SCEL: variants seen among roughly 807,000 people sequenced by gnomAD.
The protein encoded by SCEL is sciellin.
SCEL carries 113 observed loss-of-function variants against 117.6 expected under a neutral mutation model. The ratio of observed to expected loss-of-function variants is 0.96; its 90% CI spans 0.83 to 1.12. SCEL has a LOEUF of 1.12. Ranked by LOEUF, SCEL falls within the 50% of genes most tolerant of loss-of-function variation. The pLI, the probability that SCEL is intolerant of heterozygous loss-of-function variation, is 0.00. For synonymous variants in SCEL, 270 were observed against 256.2 expected, an observed-to-expected ratio of 1.05 and a Z score of -0.51; for missense variants, 785 against 810.8, an observed-to-expected ratio of 0.97 and a Z score of 0.39.
At chr13:77,541,516 G>T (rs1317726282) in intron 1 of SCEL, among the ~76,000 whole-genome samples, 1 of 152,150 alleles carries the variant, frequency 6.6e-6, no homozygotes, top group East Asian at 1.9e-4. Context: ...CTTGGTGAAA[G>T]ACTTTTGTAT....
chr13:77,555,965 G>GA (rs1567344291), intron 2 of SCEL, 47 bp downstream of exon 2: 1 of 1,427,276 alleles, frequency 7.0e-7, no homozygotes, highest in Non-Finnish European at 9.9e-7. Context: ...TAAAATTTTG[G>GA]AAAAACAACT....
In SCEL at chr13:77,568,283, C is replaced by A; in HGVS notation, c.360-12C>A. The A allele has an allele frequency of 6.5e-7, 1 of 1,544,824 alleles. No homozygotes were observed. Among genetic ancestry groups the A allele is most frequent in the South Asian group, 1.2e-5 (1 of 85,894 alleles). On this transcript the variant is annotated splice_polypyrimidine_tract_variant and intron_variant, in intron 6 of 32. Coordinates refer to ENST00000349847, the MANE Select transcript of SCEL (RefSeq NM_144777.3). ...TCATTGTTCAAACTTTGCTTTCTTT[C>A]TCTCTTACCAGGAGCATGTCCATGT...
chr13:77,591,322 T>G lies in SCEL; in HGVS notation c.627-73T>G, dbSNP rs73543711. ...CTGATCTTTTTGTACATAAATTTTT[T>G]AAAATAAATTTCAATTTATCAAAAA... On this transcript the variant is annotated intron_variant, in intron 10 of 32. Transcript: ENST00000349847. 0.013 allele frequency: 12,269 copies of G among 925,636 alleles called. 977 individuals carry two copies. In the African/African-American group the frequency reaches 0.18, roughly 14 times the overall value. The allele number at this position is 925,636 out of a possible 1,614,324, so 57.3% of individuals were successfully genotyped here. A position where few individuals can be genotyped will look rare whatever the true frequency, so the allele number is the denominator to read the frequency against.
At chr13:77,614,039 C>A in intron 24 of SCEL, 84 bp downstream of exon 24, 1 of 1,096,302 alleles carries the variant, frequency 9.1e-7, no homozygotes. Flanking sequence ...ATTCTATGGG[C>A]AAATTGAATA....
intron 9 of SCEL, among the ~76,000 whole-genome samples, chr13:77,579,281 A>T (rs992521566): frequency 6.6e-6 from 1 of 152,204 alleles, no homozygotes; most frequent in African/African-American, 2.4e-5. Flanking sequence ...ATTGCAGTGT[A>T]CTCATCAACT....
intron 8 of SCEL, among the ~76,000 whole-genome samples, chr13:77,570,738 G>C (rs763886017): frequency 6.6e-6 from 1 of 152,124 alleles, no homozygotes; most frequent in Non-Finnish European, 1.5e-5. Context: ...TTATGACCTA[G>C]TGATGTGAGG....
chr13:77,616,751 T>C (rs551798356), intron 24 of SCEL, among the ~76,000 whole-genome samples: 1 of 151,942 alleles, frequency 6.6e-6, no homozygotes, highest in African/African-American at 2.4e-5. Context: ...CCTTTTTTTT[T>C]TTTTTTTTGA....
Position 77,569,439 on chromosome 13 carries a change from T to C in SCEL, c.467T>C (p.Val156Ala). The change falls in exon 8 of 33, where the codon GTA becomes GCA. Residue 156 changes from valine (V) to alanine (A), a missense_variant. Physicochemically the swap from Val to Ala is moderately conservative, Grantham distance 64 (BLOSUM62 0). Transcript: ENST00000349847. The stretch of plus-strand genomic sequence containing the variant: ...GCATCCACTTCTGCTACTACTCCTG[T>C]AAAGAAGAAGAGGTAGGATGAACTC... ...TIASTSATTP[V>A]KKKRQSWFPP... 1 of 1,613,034 alleles carries C rather than the reference T, an allele frequency of 6.2e-7. No individual in the cohort carries two copies. Among genetic ancestry groups the C allele is most frequent in the Non-Finnish European group, 8.5e-7 (1 of 1,179,042 alleles).
At position 77,568,309 on chromosome 13, in the gene SCEL, T is replaced by G; in HGVS notation, c.374T>G (p.Phe125Cys). The G allele has an allele frequency of 6.4e-7, 1 of 1,569,170 alleles. No homozygotes were observed. Among genetic ancestry groups the G allele is most frequent in the Non-Finnish European group, 8.7e-7 (1 of 1,144,026 alleles). ...TCTCTTACCAGGAGCATGTCCATGTTTAGATCACTGGAAGTAACAAAGTTG... is the reference window on the plus strand; with the variant it reads ...TCTCTTACCAGGAGCATGTCCATGTGTAGATCACTGGAAGTAACAAAGTTG... ...NQLTNRSMSM[F>C]RSLEVTKLQP... is the part of the protein sequence containing the mutation. Residue 125 changes from phenylalanine to cysteine, a missense_variant, in exon 7 of 33, where the codon TTT becomes TGT. By Grantham distance (205) the Phe-to-Cys change is radical. Transcript: ENST00000349847.
At chr13:77,569,931 C>T (rs1182514914) in intron 8 of SCEL, among the ~76,000 whole-genome samples, 2 of 152,188 alleles carry the variant, frequency 1.3e-5, no homozygotes, top group African/African-American at 4.8e-5. Flanking sequence ...TGGTCTCCCA[C>T]ATTCTGCTGG....
intron 4 of SCEL, among the ~76,000 whole-genome samples, 193 bp from the exon 5 acceptor site, chr13:77,563,638 G>A (rs907433696): frequency 6.6e-6 from 1 of 152,104 alleles, no homozygotes; most frequent in South Asian, 2.1e-4. Flanking sequence ...TATTAGCATA[G>A]GATATTGGAT....
chr13:77,587,322 G>A (rs1475343849), intron 9 of SCEL, among the ~76,000 whole-genome samples: 1 of 151,908 alleles, frequency 6.6e-6, no homozygotes, highest in African/African-American at 2.4e-5. Flanking sequence ...AATTCTCAAA[G>A]TCATCTGTCT....
At chr13:77,607,272 A>G (rs904617607) in intron 19 of SCEL, among the ~76,000 whole-genome samples, 1 of 152,018 alleles carries the variant, frequency 6.6e-6, no homozygotes, top group Non-Finnish European at 1.5e-5. Flanking sequence ...TCTGGCCTGG[A>G]TCTCCTGGGC....
chr13:77,563,828 C>A lies in SCEL; in HGVS notation c.222-3C>A. 6.4e-7 allele frequency: 1 copy of A among 1,566,384 alleles called. No individual in the cohort carries two copies. Among genetic ancestry groups the A allele is most frequent in the Non-Finnish European group, 8.6e-7 (1 of 1,160,124 alleles). ...TTTTTTTTGGTAATTATGTTTGCTA[C>A]AGGAAAGTAAATGAGAGAGATGTGC... On this transcript the variant is annotated splice_region_variant and splice_polypyrimidine_tract_variant and intron_variant, in intron 4 of 32. Transcript: ENST00000349847.
At position 77,593,867 on chromosome 13, in the gene SCEL, C is replaced by T. The variant is rs7988029; in HGVS notation, c.752+294C>T. 4.3e-3 allele frequency among the ~76,000 whole-genome samples: 650 copies of T among 152,206 alleles called. 3 individuals carry two copies. The highest frequency in any genetic ancestry group is 0.015 in the African/African-American group (613 of 41,532). On this transcript the variant is annotated intron_variant, in intron 12 of 32. Transcript: ENST00000349847. Reference sequence around the variant, plus strand: ...CCAGTCCTGTATTTATGTTGCTGGTCCAGATCTCCACTCATCTCCTAGCAC... The same window carrying T: ...CCAGTCCTGTATTTATGTTGCTGGTTCAGATCTCCACTCATCTCCTAGCAC...
At chr13:77,552,219 A>G (rs533989625) in intron 1 of SCEL, among the ~76,000 whole-genome samples, 1 of 149,648 alleles carries the variant, frequency 6.7e-6, no homozygotes, top group African/African-American at 2.4e-5. Context: ...CAGTAATGGG[A>G]TGGCTGGGTC....
At chr13:77,575,597 G>A (rs1032254077) in intron 9 of SCEL, among the ~76,000 whole-genome samples, 1 of 152,136 alleles carries the variant, frequency 6.6e-6, no homozygotes, top group African/African-American at 2.4e-5. Flanking sequence ...GTTAAGACTC[G>A]AATATCTTTG....
intron 12 of SCEL, among the ~76,000 whole-genome samples, chr13:77,593,958 G>T (rs2087068093): frequency 6.6e-6 from 1 of 152,098 alleles, no homozygotes; most frequent in South Asian, 2.1e-4. Context: ...TCACTTCTCT[G>T]TTCTTGAATT....
At chr13:77,545,006 C>T (rs1053589098) in intron 1 of SCEL, among the ~76,000 whole-genome samples, 3 of 152,180 alleles carry the variant, frequency 2.0e-5, no homozygotes, top group African/African-American at 4.8e-5. Flanking sequence ...CAGACTTTGA[C>T]GTTATGATTT....
Sources: gnomAD v4.1 joint callset for allele counts (sites outside exome capture counted in the v4.1 genomes callset) on GRCh38, gnomAD v4.1.1 for gene constraint, MANE v1.5 for transcripts, NCBI Gene and HGNC (gene_info 2026-07-23, HGNC 2026-07-21) for gene names.